POLR3C: variants seen among roughly 807,000 people sequenced by gnomAD.
POLR3C encodes the protein DNA-directed RNA polymerase III subunit RPC3.
Under a neutral mutation model 65.9 loss-of-function variants are expected in POLR3C, and 44 were observed. That is an observed-to-expected ratio of 0.67 (90% CI 0.52 to 0.86). The LOEUF (loss-of-function observed/expected upper bound fraction) is 0.86, where lower values mean the gene tolerates loss of function less well. POLR3C is among the 40% of genes least tolerant of loss of function. The pLI is 0.00. For missense variants in POLR3C, 576 were observed against 653.2 expected (o/e 0.88, Z 1.29); for synonymous variants, 263 against 231.6 (o/e 1.14, Z -1.23).
chr1:145,831,595 G>T (rs1383543615), intron 5 of POLR3C, among the ~76,000 whole-genome samples: 1 of 151,800 alleles, frequency 6.6e-6, no homozygotes, highest in Non-Finnish European at 1.5e-5. Context: ...CTGGAGAGCA[G>T]ATAAAATTAC....
intron 2 of POLR3C, 145 bp from the exon 3 acceptor site, chr1:145,826,309 C>T: frequency 1.6e-6 from 1 of 642,058 alleles, no homozygotes; most frequent in Non-Finnish European, 2.7e-6. Flanking sequence ...TTCTTATTAG[C>T]TCCTCCAGTG....
At chr1:145,835,813 A>T (rs1334748930) in intron 7 of POLR3C, among the ~76,000 whole-genome samples, 1 of 152,046 alleles carries the variant, frequency 6.6e-6, no homozygotes, top group African/African-American at 2.4e-5. Context: ...ACATCAAGTG[A>T]TCCTCCCACC....
At chr1:145,840,519 G>A (rs1352335797) in intron 13 of POLR3C, 2 of 255,256 alleles carry the variant, frequency 7.8e-6, no homozygotes, top group Admixed American at 5.0e-5. Flanking sequence ...CAGCCTGGGC[G>A]ACAAAGTGAG....
Position 145,843,978 on chromosome 1 carries a change from T to C in POLR3C, c.*1558T>C, listed in dbSNP as rs1485368006. On this transcript the variant is annotated 3_prime_UTR_variant, in exon 15 of 15. Transcript: ENST00000334163. ...AAATCAAAATCAATGAGATAACATCTCACCCCAATTCATTACTTTTATCAA... is the reference window on the plus strand; with the variant it reads ...AAATCAAAATCAATGAGATAACATCCCACCCCAATTCATTACTTTTATCAA... Among the ~76,000 whole-genome samples, 1 of 152,134 alleles carries C rather than the reference T, an allele frequency of 6.6e-6. No homozygotes were observed. The highest frequency in any genetic ancestry group is 1.5e-5 in the Non-Finnish European group (1 of 68,032).
At position 145,839,884 on chromosome 1, in the gene POLR3C, A is replaced by T. The variant is rs782735436; in HGVS notation, c.1222-6A>T. On this transcript the variant is annotated splice_region_variant and splice_polypyrimidine_tract_variant and intron_variant, in intron 11 of 14. Coordinates refer to ENST00000334163, the MANE Select transcript of POLR3C (RefSeq NM_006468.8). ...TCTGCTATTTTTCTTTCTATTGGAC[A>T]AATAGGAAATTCCCAAAACACCAGA... 9 of 1,507,068 alleles carry T rather than the reference A, an allele frequency of 6.0e-6. No individual in the cohort carries two copies. Among genetic ancestry groups the T allele is most frequent in the Non-Finnish European group, 8.3e-6 (9 of 1,082,634 alleles). 93.4% of individuals were successfully genotyped at this position (1,507,068 alleles called of 1,614,324 possible).
At chr1:145,829,356 T>C (rs1467606532) in intron 5 of POLR3C, among the ~76,000 whole-genome samples, 25 of 152,170 alleles carry the variant, frequency 1.6e-4, no homozygotes, top group Admixed American at 1.5e-3. Flanking sequence ...TAAGCCAAAA[T>C]CCTTGGAACC....
At chr1:145,834,087 T>G (rs1651580850) in intron 7 of POLR3C, among the ~76,000 whole-genome samples, 1 of 152,156 alleles carries the variant, frequency 6.6e-6, no homozygotes. Flanking sequence ...ACACCTAGAC[T>G]GAACGGGATA....
At chr1:145,824,582 G>C in intron 1 of POLR3C, 1 of 1,243,320 alleles carries the variant, frequency 8.0e-7, no homozygotes, top group South Asian at 1.2e-5. Context: ...TGGGGACGGG[G>C]AGGCAAAGAC....
chr1:145,827,106 A>G (rs907325607), intron 4 of POLR3C, 101 bp downstream of exon 4: 21 of 972,890 alleles, frequency 2.2e-5, no homozygotes, highest in African/African-American at 2.0e-4. Context: ...AGTATTTGCT[A>G]TGTGCCAGAC....
Position 145,826,969 on chromosome 1 carries a change from A to G in POLR3C, c.553A>G (p.Lys185Glu). The G allele has an allele frequency of 6.2e-7, 1 of 1,612,530 alleles. No individual in the cohort carries two copies. The highest frequency in any genetic ancestry group is 8.5e-7 in the Non-Finnish European group (1 of 1,179,646). ...TGCCCCCACACTTGTCATTAATGAA[A>G]AGGACATGTACCTGGTTCCTAAACT... ...PPAPTLVINE[K>E]DMYLVPKLSL... Residue 185 changes from lysine to glutamate, a missense_variant, in exon 4 of 15, where the codon AAG (lysine) becomes GAG (glutamate). Lys to Glu is a moderately conservative substitution (Grantham distance 56, BLOSUM62 1). Transcript: ENST00000334163.
At chr1:145,838,300 C>A in intron 11 of POLR3C, 94 bp downstream of exon 11, 2 of 927,698 alleles carry the variant, frequency 2.2e-6, no homozygotes, top group Non-Finnish European at 3.4e-6. Context: ...CCCAAGCAAA[C>A]TCTATATCCA....
chr1:145,825,485 G>C (rs1489013719), intron 1 of POLR3C, among the ~76,000 whole-genome samples: 1 of 152,164 alleles, frequency 6.6e-6, no homozygotes, highest in Non-Finnish European at 1.5e-5. Context: ...GCCATTGTAT[G>C]GGTATGGCAT....
In POLR3C at chr1:145,831,113, A is replaced by T. The variant is rs1194939342; in HGVS notation, c.679-2147A>T. Among the ~76,000 whole-genome samples, 5 of 151,784 alleles carry T rather than the reference A, an allele frequency of 3.3e-5. No homozygotes were observed. The South Asian group carries it at 1.0e-3, about 32-fold the overall frequency. The stretch of plus-strand genomic sequence containing the variant: ...GACCCTGTCTCAAAAAAAAAAAAAA[A>T]TTGGGTTGGTTATAGTGTAGTTACC... On this transcript the variant is annotated intron_variant, in intron 5 of 14. Coordinates refer to ENST00000334163, the MANE Select transcript of POLR3C (RefSeq NM_006468.8).
chr1:145,838,032 T>C, intron 10 of POLR3C, 24 bp from the exon 11 acceptor site: 2 of 1,612,326 alleles, frequency 1.2e-6, no homozygotes, highest in Non-Finnish European at 1.7e-6. Context: ...TAGCATGCCA[T>C]TTGCTTTCTT....
In POLR3C at chr1:145,843,088, TCA is replaced by T. The variant is rs782206682; in HGVS notation, c.*671_*672del. On this transcript the variant is annotated 3_prime_UTR_variant, in exon 15 of 15. Coordinates refer to ENST00000334163, the MANE Select transcript of POLR3C (RefSeq NM_006468.8). ...ACAGTGTAGGGAATGTGAAAGACTA[TCA>T]CAGAGTAGAAGAAAAAATTATTTTC... is the stretch of plus-strand genomic sequence containing the variant. Among the ~76,000 whole-genome samples, 1 of 152,038 alleles carries T rather than the reference TCA, an allele frequency of 6.6e-6. No homozygotes were observed. Among genetic ancestry groups the T allele is most frequent in the African/African-American group, 2.4e-5 (1 of 41,404 alleles).
chr1:145,830,321 AC>A (rs200423882), intron 5 of POLR3C, among the ~76,000 whole-genome samples: 13 of 151,776 alleles, frequency 8.6e-5, no homozygotes, highest in East Asian at 1.9e-4. Context: ...AAAAAAAAAA[AC>A]CCAGTTAGGA....
intron 1 of POLR3C, among the ~76,000 whole-genome samples, 180 bp from the exon 2 acceptor site, chr1:145,825,577 C>T (rs1375932770): frequency 1.3e-5 from 2 of 152,092 alleles, no homozygotes; most frequent in East Asian, 3.8e-4. Flanking sequence ...TTAGCTTTTT[C>T]TTTCTTTGGA....
chr1:145,842,027 G>GT (rs1194326794), intron 14 of POLR3C, among the ~76,000 whole-genome samples: 1 of 152,028 alleles, frequency 6.6e-6, no homozygotes, highest in Admixed American at 6.6e-5. Context: ...GACACTCTTA[G>GT]TTTCTTGCTA....
chr1:145,840,287 C>G, intron 13 of POLR3C, 122 bp downstream of exon 13: 1 of 689,244 alleles, frequency 1.5e-6, no homozygotes, highest in Non-Finnish European at 2.6e-6. Flanking sequence ...TGCCTGTAAT[C>G]CCAGCACTTC....
Sources: gnomAD v4.1 joint callset for allele counts (sites outside exome capture counted in the v4.1 genomes callset) on GRCh38, gnomAD v4.1.1 for gene constraint, MANE v1.5 for transcripts, NCBI Gene and HGNC (gene_info 2026-07-23, HGNC 2026-07-21) for gene names.